Variants in BPTF observed in about 807,000 individuals in gnomAD.
The protein encoded by BPTF is nucleosome-remodeling factor subunit BPTF.
In BPTF, 18 loss-of-function variants were observed where a neutral mutation model predicts 292.5. The observed-to-expected ratio is 0.06, with a 90% CI of 0.04 to 0.09. The LOEUF is 0.09. BPTF is among the 10% of genes least tolerant of loss of function. The pLI, the probability that BPTF is intolerant of heterozygous loss-of-function variation, is 1.00. For synonymous variants in BPTF, 1,225 were observed against 1,251.9 expected (o/e 0.98, Z 0.45); for missense variants, 2,726 against 3,498.7 (o/e 0.78, Z 5.57).
chr17:67,935,854 A>G (rs1292437709), intron 18 of BPTF, among the ~76,000 whole-genome samples: 2 of 152,134 alleles, frequency 1.3e-5, no homozygotes, highest in Admixed American at 6.5e-5. Flanking sequence ...AACTCACAAA[A>G]CTGAAAAAAA....
chr17:67,908,824 C>CG (rs2062427929), intron 9 of BPTF, among the ~76,000 whole-genome samples: 1 of 129,076 alleles, frequency 7.7e-6, no homozygotes, highest in Non-Finnish European at 1.6e-5. Flanking sequence ...TTGTCACTGA[C>CG]AATTTTTTTT....
At chr17:67,830,755 T>G (rs1376165696) in intron 1 of BPTF, among the ~76,000 whole-genome samples, 1 of 152,170 alleles carries the variant, frequency 6.6e-6, no homozygotes, top group Non-Finnish European at 1.5e-5. Flanking sequence ...AAAGCTCCTT[T>G]GTATGCTGTG....
At chr17:67,950,019 A>G (rs1380704096) in intron 23 of BPTF, among the ~76,000 whole-genome samples, 1 of 134,696 alleles carries the variant, frequency 7.4e-6, no homozygotes, top group Non-Finnish European at 1.5e-5. Context: ...GCACCACTGC[A>G]CTCCAACCTG....
intron 1 of BPTF, among the ~76,000 whole-genome samples, 182 bp downstream of exon 1, chr17:67,826,519 G>T (rs1453645398): frequency 6.6e-6 from 1 of 150,812 alleles, no homozygotes; most frequent in Non-Finnish European, 1.5e-5. Flanking sequence ...GGAAAGAGGC[G>T]CATTGTTCAA....
At chr17:67,909,237 G>A (rs976233884) in intron 9 of BPTF, among the ~76,000 whole-genome samples, 1 of 149,288 alleles carries the variant, frequency 6.7e-6, no homozygotes, top group African/African-American at 2.5e-5. Flanking sequence ...CACCCAGGCT[G>A]GAGTGCAGTG....
intron 7 of BPTF, among the ~76,000 whole-genome samples, chr17:67,899,003 A>G (rs1307408664): frequency 1.3e-5 from 2 of 152,170 alleles, no homozygotes; most frequent in East Asian, 3.8e-4. Context: ...AATATTGTCA[A>G]GATATAGACA....
At chr17:67,907,185 CA>C (rs34520139) in intron 9 of BPTF, among the ~76,000 whole-genome samples, 2,336 of 92,760 alleles carry the variant, frequency 0.025, 70 homozygotes, top group African/African-American at 0.083. Flanking sequence ...ACACTGTCTC[CA>C]AAAAAAAAAA....
At chr17:67,940,166 G>A (rs2065252497) in intron 18 of BPTF, among the ~76,000 whole-genome samples, 1 of 151,986 alleles carries the variant, frequency 6.6e-6, no homozygotes, top group Admixed American at 6.6e-5. Context: ...TATCATTTTG[G>A]TTTTAGATTT....
chr17:67,894,487 C>T (rs1337397301), intron 7 of BPTF, among the ~76,000 whole-genome samples: 1 of 151,956 alleles, frequency 6.6e-6, no homozygotes, highest in African/African-American at 2.4e-5. Context: ...CGCCACTGTG[C>T]CCAGCTAATT....
chr17:67,853,593 T>C (rs2058538788), intron 1 of BPTF, among the ~76,000 whole-genome samples: 1 of 149,486 alleles, frequency 6.7e-6, no homozygotes, highest in South Asian at 2.1e-4. Context: ...CAAATGCAGT[T>C]ATTTATTATT....
intron 1 of BPTF, among the ~76,000 whole-genome samples, chr17:67,842,518 T>C (rs572608821): frequency 6.6e-6 from 1 of 152,310 alleles, no homozygotes; most frequent in East Asian, 1.9e-4. Context: ...TTTCCAACTT[T>C]CTGTGCTGTC....
intron 18 of BPTF, among the ~76,000 whole-genome samples, chr17:67,937,871 T>G (rs2065048650): frequency 6.6e-6 from 1 of 152,168 alleles, no homozygotes; most frequent in African/African-American, 2.4e-5. Flanking sequence ...TCCCAGCCCT[T>G]AGGGAGGCCA....
intron 7 of BPTF, among the ~76,000 whole-genome samples, chr17:67,898,710 T>C (rs2061617464): frequency 6.6e-6 from 1 of 151,760 alleles, no homozygotes; most frequent in African/African-American, 2.4e-5. Flanking sequence ...ATTATGCCTT[T>C]TGGTGAAACC....
At chr17:67,844,414 A>AT (rs1340109930) in intron 1 of BPTF, among the ~76,000 whole-genome samples, 1 of 150,586 alleles carries the variant, frequency 6.6e-6, no homozygotes, top group East Asian at 2.0e-4. Context: ...CGCCTGGCTA[A>AT]TTTTTTGTAT....
chr17:67,943,455 G>A (rs935991653), intron 19 of BPTF, among the ~76,000 whole-genome samples: 1 of 152,102 alleles, frequency 6.6e-6, no homozygotes, highest in Non-Finnish European at 1.5e-5. Context: ...AGAAGAGAGA[G>A]CGCCTAGAGA....
At chr17:67,973,995 G>A (rs1555692486) in intron 26 of BPTF, 1 of 152,054 alleles carries the variant, frequency 6.6e-6, no homozygotes, top group East Asian at 1.9e-4. Flanking sequence ...ATGTCTGACA[G>A]ATAAGATTAT....
At chr17:67,856,140 T>A (rs1346187682) in intron 2 of BPTF, among the ~76,000 whole-genome samples, 1 of 152,242 alleles carries the variant, frequency 6.6e-6, no homozygotes, top group East Asian at 1.9e-4. Context: ...CTGACTTTCT[T>A]ATCATTTCTC....
At chr17:67,953,524 C>T (rs138556852) in intron 23 of BPTF, among the ~76,000 whole-genome samples, 3,218 of 145,718 alleles carry the variant, frequency 0.022, 119 homozygotes, top group African/African-American at 0.078. Context: ...TCCCAAAGTG[C>T]TAGGATTACA....
chr17:67,943,453 G>C (rs7406460), intron 19 of BPTF, among the ~76,000 whole-genome samples: 137,033 of 152,136 alleles, frequency 0.9, 63,542 homozygotes, highest in East Asian at 1. Flanking sequence ...ACAGAAGAGA[G>C]AGCGCCTAGA....
Sources: allele counts gnomAD v4.1 joint callset (sites outside exome capture counted in the v4.1 genomes callset), GRCh38; gene constraint gnomAD v4.1.1; transcripts MANE v1.5; gene names NCBI Gene and HGNC (gene_info 2026-07-23, HGNC 2026-07-21).